Variants in DNAAF9 observed in about 807,000 individuals in gnomAD.
DNAAF9 encodes the protein shulin.
A neutral mutation model predicts 167.0 loss-of-function variants in DNAAF9; 90 were observed. That is an observed-to-expected ratio of 0.54 (90% CI 0.45 to 0.64). The LOEUF is 0.64. DNAAF9 is among the 30% of genes least tolerant of loss of function. The pLI is 0.00. For synonymous variants in DNAAF9, 491 were observed against 508.8 expected (o/e 0.96, Z 0.47); for missense variants, 1,315 against 1,442.2 (o/e 0.91, Z 1.43).
chr20:3,272,554 T>A (rs1421347413), intron 29 of DNAAF9, among the ~76,000 whole-genome samples: 1 of 152,188 alleles, frequency 6.6e-6, no homozygotes, highest in Non-Finnish European at 1.5e-5. Context: ...GTTCCTCTAG[T>A]GGTCACTTTT....
At chr20:3,300,742 C>T (rs1041219105) in intron 21 of DNAAF9, among the ~76,000 whole-genome samples, 9 of 148,716 alleles carry the variant, frequency 6.1e-5, no homozygotes, top group East Asian at 2.0e-4. Flanking sequence ...TTTGTAGAGA[C>T]GGAGTTTCAC....
Position 3,322,634 on chromosome 20 carries a change from C to T in DNAAF9, c.1310+18G>A, listed in dbSNP as rs1023346659. On this transcript the variant is annotated intron_variant, in intron 15 of 36. Transcript: ENST00000252032. Reference sequence around the variant, plus strand: ...AAAACTTGCTCCATGTAAGGATGCACCACAATCATATACGCACCTTCCCTG... The same window carrying T: ...AAAACTTGCTCCATGTAAGGATGCATCACAATCATATACGCACCTTCCCTG... 2.5e-6 allele frequency: 4 copies of T among 1,597,750 alleles called. No individual in the cohort carries two copies. Among genetic ancestry groups the T allele is most frequent in the South Asian group, 1.1e-5 (1 of 90,754 alleles).
rs781376164 is a variant in DNAAF9 at position 3,359,544 on chromosome 20, G to A, written c.662C>T (p.Pro221Leu). Residue 221 changes from proline to leucine, a missense_variant, in exon 7 of 37, where the codon CCT becomes CTT. By Grantham distance (98) the Pro-to-Leu change is moderately conservative (BLOSUM62 -3). Coordinates refer to ENST00000252032, the MANE Select transcript of DNAAF9 (RefSeq NM_001009984.3). ...TGAAAGCAAACTCTCCAGAGACATA[G>A]GATCCATCTTGCTGTAGACATTCCA... The part of the protein sequence containing the change: ...NLWNVYSKMD[P>L]MSLESLLSDD... 12 of 1,612,110 alleles carry A rather than the reference G, an allele frequency of 7.4e-6. No individual in the cohort carries two copies. The Admixed American group carries it at 1.8e-4, about 25-fold the overall frequency.
intron 5 of DNAAF9, 94 bp from the exon 6 acceptor site, chr20:3,374,248 C>T: frequency 1.4e-6 from 1 of 734,446 alleles, no homozygotes; most frequent in Non-Finnish European, 2.3e-6. Context: ...TATCATTTCT[C>T]ACGTGGTCAC....
At chr20:3,299,673 CA>C (rs2069149212) in intron 21 of DNAAF9, among the ~76,000 whole-genome samples, 1 of 152,168 alleles carries the variant, frequency 6.6e-6, no homozygotes, top group Admixed American at 6.5e-5. Flanking sequence ...GCATCCTTGT[CA>C]AAAATGATTT....
chr20:3,259,597 C>T, intron 32 of DNAAF9, 43 bp from the exon 33 acceptor site: 1 of 1,368,786 alleles, frequency 7.3e-7, no homozygotes, highest in Non-Finnish European at 1.0e-6. Context: ...CATGGAGGCA[C>T]AGGCCAAATT....
intron 20 of DNAAF9, chr20:3,306,800 A>G (rs1001717461): frequency 2.8e-4 from 148 of 520,768 alleles, no homozygotes; most frequent in Non-Finnish European, 3.4e-4. Flanking sequence ...TCCTTCCATC[A>G]GCCCACAGAG....
chr20:3,350,911 G>GTA (rs1156340087), intron 7 of DNAAF9, among the ~76,000 whole-genome samples: 2 of 151,904 alleles, frequency 1.3e-5, no homozygotes, highest in East Asian at 1.9e-4. Flanking sequence ...ATATATTTAT[G>GTA]TATATATATA....
chr20:3,325,558 T>C (rs2069695458), intron 13 of DNAAF9, among the ~76,000 whole-genome samples: 3 of 152,194 alleles, frequency 2.0e-5, no homozygotes, highest in African/African-American at 7.2e-5. Flanking sequence ...AGCTACAGTC[T>C]CTCTGATATC....
At chr20:3,281,208 T>C (rs1329291098) in intron 28 of DNAAF9, among the ~76,000 whole-genome samples, 1 of 152,102 alleles carries the variant, frequency 6.6e-6, no homozygotes, top group Non-Finnish European at 1.5e-5. Flanking sequence ...TTTGTATTTT[T>C]AGTAGAAATG....
chr20:3,291,148 A>T (rs966246229), intron 25 of DNAAF9, among the ~76,000 whole-genome samples: 3 of 152,092 alleles, frequency 2.0e-5, no homozygotes, highest in African/African-American at 4.8e-5. Flanking sequence ...GGAAGAGAAG[A>T]GGGGCCAGGC....
At chr20:3,301,930 A>T (rs924342077) in intron 21 of DNAAF9, among the ~76,000 whole-genome samples, 3 of 151,968 alleles carry the variant, frequency 2.0e-5, no homozygotes, top group Non-Finnish European at 2.9e-5. Flanking sequence ...AAATACTTTT[A>T]AAAAATTATA....
intron 16 of DNAAF9, 84 bp from the exon 17 acceptor site, chr20:3,318,484 C>A (rs2069550665): frequency 1.4e-6 from 1 of 710,270 alleles, no homozygotes; most frequent in Non-Finnish European, 2.6e-6. Flanking sequence ...ACAAATACTG[C>A]CTAAAGGAAC....
intron 1 of DNAAF9, among the ~76,000 whole-genome samples, chr20:3,387,181 C>T (rs1001689520): frequency 5.3e-5 from 8 of 152,152 alleles, no homozygotes; most frequent in African/African-American, 1.9e-4. Context: ...TATATGGAAT[C>T]TCAAGAGACT....
chr20:3,296,394 T>TAA, intron 23 of DNAAF9: 1 of 328,006 alleles, frequency 3.0e-6, no homozygotes, highest in South Asian at 2.6e-5. Flanking sequence ...GTTTTTTTTT[T>TAA]TGAGAAAGGG....
At chr20:3,349,923 C>A (rs2070281231) in intron 7 of DNAAF9, among the ~76,000 whole-genome samples, 2 of 152,066 alleles carry the variant, frequency 1.3e-5, no homozygotes, top group African/African-American at 4.8e-5. Flanking sequence ...CAGTCTAGTG[C>A]CTTGCTCATA....
intron 34 of DNAAF9, 119 bp downstream of exon 34, chr20:3,255,887 G>A (rs2068271105): frequency 2.7e-6 from 2 of 735,806 alleles, no homozygotes; most frequent in African/African-American, 1.7e-5. Flanking sequence ...GCTGGGCCAG[G>A]GAGAGGAAGC....
At chr20:3,280,800 G>T (rs1463509030) in intron 28 of DNAAF9, among the ~76,000 whole-genome samples, 1 of 151,630 alleles carries the variant, frequency 6.6e-6, no homozygotes, top group Non-Finnish European at 1.5e-5. Context: ...TTTTGGCAGA[G>T]ACAGGGTCTC....
intron 32 of DNAAF9, 121 bp from the exon 33 acceptor site, chr20:3,259,675 G>A: frequency 1.4e-6 from 1 of 709,476 alleles, no homozygotes; most frequent in East Asian, 2.7e-5. Flanking sequence ...GGGTTCACAG[G>A]TTCTACCCGC....
Sources: allele counts gnomAD v4.1 joint callset (sites outside exome capture counted in the v4.1 genomes callset), GRCh38; gene constraint gnomAD v4.1.1; transcripts MANE v1.5; gene names NCBI Gene and HGNC (gene_info 2026-07-23, HGNC 2026-07-21).